The following GABRG3 variants were observed in gnomAD, a reference collection of about 807,000 sequenced individuals.
GABRG3 encodes the protein gamma-aminobutyric acid receptor subunit gamma-3.
Under a neutral mutation model 48.8 loss-of-function variants are expected in GABRG3, and 25 were observed. The ratio of observed to expected loss-of-function variants is 0.51; its 90% CI spans 0.37 to 0.72. The LOEUF (loss-of-function observed/expected upper bound fraction) is 0.72. Among genes scored for constraint, GABRG3 ranks in the 30% least tolerant of loss-of-function variants. GABRG3 has a pLI of 0.00. For synonymous variants in GABRG3, 227 were observed against 217.6 expected, an observed-to-expected ratio of 1.04 and a Z score of -0.38; for missense variants, 394 against 577.9, an observed-to-expected ratio of 0.68 and a Z score of 3.26.
chr15:27,130,424 C>G (rs972286527), intron 3 of GABRG3, among the ~76,000 whole-genome samples: 5 of 152,058 alleles, frequency 3.3e-5, no homozygotes, highest in Non-Finnish European at 5.9e-5. Context: ...TATATAATTA[C>G]CATACTTTTT....
At position 27,527,959 on chromosome 15, in the gene GABRG3, G is replaced by A; in HGVS notation, c.1089G>A (p.Trp363Ter). The change falls in exon 9 of 10, where the codon TGG becomes TGA. Residue 363 changes from tryptophan (W) to a stop codon, truncating the protein, a stop_gained. Transcript: ENST00000615808. LOFTEE classifies it high-confidence loss of function. ...TACTACATCCAGATTCCTCAAGATG[G>A]ATTCCTGAGCGAATAAGCCTACAAG... The part of the protein sequence containing the change: ...TSLLHPDSSR[W>*]IPERISLQAP... The A allele has an allele frequency of 6.3e-7, 1 of 1,596,010 alleles. No homozygotes were observed. The highest frequency in any genetic ancestry group is 8.5e-7 in the Non-Finnish European group (1 of 1,170,166).
intron 7 of GABRG3, among the ~76,000 whole-genome samples, chr15:27,525,336 T>A (rs974212692): frequency 6.6e-6 from 1 of 152,310 alleles, no homozygotes; most frequent in Middle Eastern, 3.4e-3. Context: ...ACCAGAATCA[T>A]CCCCAAAGCA....
chr15:27,025,060 G>GCTTCATTT (rs1895961647), intron 2 of GABRG3, among the ~76,000 whole-genome samples: 1 of 147,782 alleles, frequency 6.8e-6, no homozygotes, highest in South Asian at 2.1e-4. Context: ...TACTAAAAGC[G>GCTTCATTT]CTTCATTTTC....
chr15:27,323,170 C>A (rs1296213410), intron 3 of GABRG3, among the ~76,000 whole-genome samples: 1 of 152,288 alleles, frequency 6.6e-6, no homozygotes, highest in South Asian at 2.1e-4. Flanking sequence ...TAAAAAGGCT[C>A]ATTCAGAAAT....
chr15:27,279,909 C>T (rs1466817097), intron 3 of GABRG3, among the ~76,000 whole-genome samples: 1 of 151,954 alleles, frequency 6.6e-6, no homozygotes, highest in Non-Finnish European at 1.5e-5. Context: ...CTGTTTATAT[C>T]TTTGATTTTT....
At chr15:27,449,770 G>A (rs1040894503) in intron 5 of GABRG3, among the ~76,000 whole-genome samples, 2 of 152,118 alleles carry the variant, frequency 1.3e-5, no homozygotes, top group East Asian at 1.9e-4. Flanking sequence ...ACACCTACAC[G>A]CTGAGTCGTA....
chr15:27,383,755 ATTGT>A (rs1385309560), intron 5 of GABRG3, among the ~76,000 whole-genome samples: 11 of 152,200 alleles, frequency 7.2e-5, no homozygotes, highest in African/African-American at 2.2e-4. Context: ...CATTTTCTTC[ATTGT>A]TTATTTTCAG....
chr15:27,119,134 T>C (rs1376344520), intron 3 of GABRG3, among the ~76,000 whole-genome samples: 3 of 152,224 alleles, frequency 2.0e-5, no homozygotes, highest in African/African-American at 4.8e-5. Flanking sequence ...AAGAAGAATC[T>C]GAACACACAG....
chr15:27,069,552 A>C (rs57023640), intron 3 of GABRG3, among the ~76,000 whole-genome samples: 13 of 152,218 alleles, frequency 8.5e-5, no homozygotes, highest in Non-Finnish European at 1.8e-4. Context: ...CTGTGTGCAT[A>C]TAAGGGTCTG....
chr15:27,511,956 G>C (rs1362740103), intron 6 of GABRG3, among the ~76,000 whole-genome samples: 2 of 152,330 alleles, frequency 1.3e-5, no homozygotes, highest in East Asian at 3.9e-4. Flanking sequence ...AAGAGCAAGG[G>C]AGCAAGATCA....
chr15:26,978,101 T>C (rs1033788417), intron 2 of GABRG3, among the ~76,000 whole-genome samples: 1 of 152,194 alleles, frequency 6.6e-6, no homozygotes, highest in African/African-American at 2.4e-5. Context: ...GAACTCTTCT[T>C]TTATTTTATT....
chr15:27,237,030 G>A (rs541209373), intron 3 of GABRG3, among the ~76,000 whole-genome samples: 1 of 152,320 alleles, frequency 6.6e-6, no homozygotes, highest in Admixed American at 6.5e-5. Context: ...GATCGACCTT[G>A]CGATTCTTCA....
intron 3 of GABRG3, among the ~76,000 whole-genome samples, chr15:27,294,141 C>A (rs1891896551): frequency 6.6e-6 from 1 of 151,922 alleles, no homozygotes; most frequent in Non-Finnish European, 1.5e-5. Context: ...ATCACATGCC[C>A]AGATTGCAGC....
At chr15:27,173,600 G>T (rs1887643379) in intron 3 of GABRG3, among the ~76,000 whole-genome samples, 2 of 151,734 alleles carry the variant, frequency 1.3e-5, no homozygotes, top group Admixed American at 1.3e-4. Flanking sequence ...ACCAGGCATG[G>T]TGCCTCATGT....
intron 3 of GABRG3, among the ~76,000 whole-genome samples, chr15:27,320,709 G>A (rs550938186): frequency 6.6e-5 from 10 of 152,264 alleles, no homozygotes; most frequent in African/African-American, 2.2e-4. Context: ...GGGCAGGTGA[G>A]AATGATGAAG....
chr15:27,328,954 T>A, intron 5 of GABRG3, 66 bp downstream of exon 5: 1 of 1,261,188 alleles, frequency 7.9e-7, no homozygotes, highest in Non-Finnish European at 1.2e-6. Context: ...GTACTGCTTC[T>A]GTCAAACAGT....
chr15:27,207,213 G>C (rs1022646352), intron 3 of GABRG3, among the ~76,000 whole-genome samples: 13 of 151,968 alleles, frequency 8.6e-5, no homozygotes, highest in Admixed American at 7.2e-4. Flanking sequence ...CGAGTGCCTT[G>C]GGCTCACCAA....
At chr15:27,218,560 C>T (rs1480811846) in intron 3 of GABRG3, among the ~76,000 whole-genome samples, 3 of 152,096 alleles carry the variant, frequency 2.0e-5, no homozygotes, top group Non-Finnish European at 4.4e-5. Context: ...GCTTGTGTTT[C>T]CGTTGCTCAG....
At chr15:27,067,223 G>C (rs1482560283) in intron 3 of GABRG3, among the ~76,000 whole-genome samples, 1 of 152,158 alleles carries the variant, frequency 6.6e-6, no homozygotes, top group Admixed American at 6.5e-5. Flanking sequence ...GTGGACCTGG[G>C]GTCACCCAGA....
Sources: gnomAD v4.1 joint callset for allele counts (sites outside exome capture counted in the v4.1 genomes callset) on GRCh38, gnomAD v4.1.1 for gene constraint, MANE v1.5 for transcripts, NCBI Gene and HGNC (gene_info 2026-07-23, HGNC 2026-07-21) for gene names.